The following RASSF2 variants were observed in gnomAD, a reference collection of about 807,000 sequenced individuals.
RASSF2 encodes ras association domain-containing protein 2.
A neutral mutation model predicts 46.3 loss-of-function variants in RASSF2; 34 were observed. The ratio of observed to expected loss-of-function variants is 0.73; its 90% CI spans 0.56 to 0.98. RASSF2 has a LOEUF of 0.98. Ranked by LOEUF, RASSF2 falls within the 50% of genes least tolerant of loss-of-function variation. The pLI is 0.00. For missense variants in RASSF2, 364 were observed against 431.2 expected (o/e 0.84, Z 1.38); for synonymous variants, 158 against 162.5 (o/e 0.97, Z 0.21).
chr20:4,804,842 G>A (rs752940097), intron 2 of RASSF2, among the ~76,000 whole-genome samples: 35 of 152,216 alleles, frequency 2.3e-4, no homozygotes, highest in Non-Finnish European at 4.4e-4. Context: ...GATGTGTGGG[G>A]GCAGAGGGCT....
chr20:4,798,548 C>G (rs73588958), intron 3 of RASSF2, among the ~76,000 whole-genome samples: 23,686 of 151,936 alleles, frequency 0.16, 1,905 homozygotes, highest in East Asian at 0.19. Context: ...AAGCTGGCTG[C>G]GCGCAGTGGC....
chr20:4,788,329 C>T (rs1925550580), intron 8 of RASSF2, 61 bp from the exon 9 acceptor site: 1 of 1,482,616 alleles, frequency 6.7e-7, no homozygotes, highest in Non-Finnish European at 9.4e-7. Context: ...AACTTCGAGG[C>T]TTTTCCTCTT....
intron 4 of RASSF2, among the ~76,000 whole-genome samples, chr20:4,797,255 AT>A (rs1368806639): frequency 6.6e-6 from 1 of 152,218 alleles, no homozygotes; most frequent in Non-Finnish European, 1.5e-5. Flanking sequence ...AGGCCACTAC[AT>A]CCCACATACT....
intron 2 of RASSF2, among the ~76,000 whole-genome samples, chr20:4,815,713 A>G (rs978281044): frequency 6.6e-6 from 1 of 152,240 alleles, no homozygotes; most frequent in Admixed American, 6.5e-5. Flanking sequence ...ATCACCACAC[A>G]GAAAACCCTG....
intron 11 of RASSF2, among the ~76,000 whole-genome samples, chr20:4,784,868 C>T (rs968766884): frequency 2.0e-5 from 3 of 152,136 alleles, no homozygotes; most frequent in Non-Finnish European, 2.9e-5. Context: ...CGTGGAGGTC[C>T]GTGGCTTGGG....
chr20:4,821,226 A>T (rs1022546243), intron 2 of RASSF2, among the ~76,000 whole-genome samples: 3 of 152,186 alleles, frequency 2.0e-5, no homozygotes, highest in Non-Finnish European at 4.4e-5. Flanking sequence ...CGCCACACCA[A>T]CTGGGCTCCT....
chr20:4,805,694 C>T (rs918408318), intron 2 of RASSF2, among the ~76,000 whole-genome samples: 3 of 152,086 alleles, frequency 2.0e-5, no homozygotes, highest in African/African-American at 4.8e-5. Flanking sequence ...AAGAGCATCC[C>T]GGGGACCAGT....
At chr20:4,816,352 T>A (rs1011075188) in intron 2 of RASSF2, among the ~76,000 whole-genome samples, 1 of 152,014 alleles carries the variant, frequency 6.6e-6, no homozygotes, top group South Asian at 2.1e-4. Context: ...AAGATTAGTA[T>A]CCACAAAAGG....
rs1420299229 is a variant in RASSF2 at position 4,812,923 on chromosome 20, A to T, written c.-33+9406T>A. Among the ~76,000 whole-genome samples, 2 of 152,074 alleles carry T rather than the reference A, an allele frequency of 1.3e-5. No individual in the cohort carries two copies. The highest frequency in any genetic ancestry group is 2.9e-5 in the Non-Finnish European group (2 of 67,990). ...AGCTACCAGCCCACAGCAGGCTGGG[A>T]GGTCTGGGGGATGGGAGGCGAGTGA... On this transcript the variant is annotated intron_variant, in intron 2 of 11. Transcript: ENST00000379400. This position sits in a 1 kb window ranked among gnomAD's most constrained non-coding sequence, Gnocchi z 4.0.
At chr20:4,796,091 G>T in intron 4 of RASSF2, 125 bp from the exon 5 acceptor site, 1 of 1,015,748 alleles carries the variant, frequency 9.8e-7, no homozygotes, top group Non-Finnish European at 1.3e-6. Context: ...GTATTCACAG[G>T]ATAGGGGCAG....
intron 2 of RASSF2, among the ~76,000 whole-genome samples, chr20:4,803,318 C>T (rs998504220): frequency 7.9e-5 from 12 of 152,120 alleles, no homozygotes; most frequent in African/African-American, 2.9e-4. Context: ...ACCCGAGGGA[C>T]ACAGACAGCC....
At chr20:4,785,820 C>G (rs1173055598) in intron 11 of RASSF2, among the ~76,000 whole-genome samples, 3 of 152,176 alleles carry the variant, frequency 2.0e-5, no homozygotes, top group Admixed American at 6.5e-5. Context: ...CAAATAGTCC[C>G]TTCTTCAAAC....
intron 3 of RASSF2, among the ~76,000 whole-genome samples, chr20:4,800,156 A>G (rs545008545): frequency 1.3e-5 from 2 of 152,240 alleles, no homozygotes; most frequent in Admixed American, 6.5e-5. Flanking sequence ...GGAACTTCCA[A>G]TTCAAGGGTC....
In RASSF2 at chr20:4,784,184, G is replaced by A; in HGVS notation, c.*89C>T. On this transcript the variant is annotated 3_prime_UTR_variant, in exon 12 of 12. Transcript: ENST00000379400. ...GAGCTGGGGAGGTTTGTGTCTAAAT[G>A]TTTCCATGGAAAGAAAGTGCCTAGC... 10 of 1,360,712 alleles carry A rather than the reference G, an allele frequency of 7.3e-6. No individual in the cohort carries two copies. Among genetic ancestry groups the A allele is most frequent in the Non-Finnish European group, 1.1e-5 (10 of 951,456 alleles). The allele number at this position is 1,360,712 out of a possible 1,614,324, so 84.3% of individuals were successfully genotyped here. A position where few individuals can be genotyped will look rare whatever the true frequency, so the allele number is the denominator to read the frequency against.
Position 4,812,515 on chromosome 20 carries a change from T to C in RASSF2, c.-33+9814A>G, listed in dbSNP as rs114405262. Among the ~76,000 whole-genome samples the C allele has an allele frequency of 0.02, 2,993 of 152,196 alleles. 89 individuals are homozygous for C. Among genetic ancestry groups the C allele is most frequent in the African/African-American group, 0.068 (2,824 of 41,526 alleles). ...AGCCAAAAATCAGCCAACCCAACTG[T>C]ATTCTGGAGGAGAGGTTCTCCCACT... On this transcript the variant is annotated intron_variant, in intron 2 of 11. Transcript: ENST00000379400. This position sits in a 1 kb window ranked among gnomAD's most constrained non-coding sequence, Gnocchi z 4.0.
chr20:4,796,634 C>T (rs1382197168), intron 4 of RASSF2, among the ~76,000 whole-genome samples: 1 of 152,224 alleles, frequency 6.6e-6, no homozygotes, highest in Non-Finnish European at 1.5e-5. Context: ...CCAATTTATA[C>T]TCAAAGGTTG....
chr20:4,815,693 T>C (rs1366654159), intron 2 of RASSF2, among the ~76,000 whole-genome samples: 1 of 152,222 alleles, frequency 6.6e-6, no homozygotes, highest in Non-Finnish European at 1.5e-5. Context: ...GAGCCCACAT[T>C]TCCAAACTCA....
rs374564792 is a variant in RASSF2 at position 4,784,262 on chromosome 20, G to A, written c.*11C>T. ...GTTCCTGGGGTGCCCAGATCCCCTC[G>A]TTCTCATGGCTCAGATTGTTGCTGG... On this transcript the variant is annotated 3_prime_UTR_variant, in exon 12 of 12. Coordinates refer to ENST00000379400, the MANE Select transcript of RASSF2 (RefSeq NM_014737.3). 2.4e-5 allele frequency: 39 copies of A among 1,611,622 alleles called. No homozygotes were observed. Among genetic ancestry groups the A allele is most frequent in the Admixed American group, 1.8e-4 (11 of 59,988 alleles).
At chr20:4,788,880 C>G (rs1287951755) in intron 8 of RASSF2, among the ~76,000 whole-genome samples, 2 of 152,178 alleles carry the variant, frequency 1.3e-5, no homozygotes, top group Non-Finnish European at 2.9e-5. Flanking sequence ...ATCTAATGCT[C>G]ACGACGATAC....
Sources: allele counts gnomAD v4.1 joint callset (sites outside exome capture counted in the v4.1 genomes callset), GRCh38; gene constraint gnomAD v4.1.1; non-coding constraint Gnocchi (gnomAD v3.1); transcripts MANE v1.5; gene names NCBI Gene and HGNC (gene_info 2026-07-23, HGNC 2026-07-21).